The following NBEA variants were observed in gnomAD, a reference collection of about 807,000 sequenced individuals.
NBEA encodes the protein lysosomal-trafficking regulator 2.
In NBEA, 44 loss-of-function variants were observed where a neutral mutation model predicts 343.4. The ratio of observed to expected loss-of-function variants is 0.13; its 90% CI spans 0.10 to 0.16. The LOEUF (loss-of-function observed/expected upper bound fraction) is 0.16, where lower values mean the gene tolerates loss of function less well. Ranked by LOEUF, NBEA falls within the 10% of genes least tolerant of loss-of-function variation. The probability of loss-of-function intolerance (pLI) is 1.00; values close to 1 mark genes in which losing one functional copy is unlikely to be tolerated. For synonymous variants in NBEA, 1,175 were observed against 1,238.7 expected (o/e 0.95, Z 1.08); for missense variants, 2,555 against 3,631.3 (o/e 0.70, Z 7.62).
At chr13:35,638,117 T>A (rs1272437585) in intron 49 of NBEA, among the ~76,000 whole-genome samples, 3 of 151,712 alleles carry the variant, frequency 2.0e-5, no homozygotes, top group Admixed American at 6.6e-5. Flanking sequence ...CTAGAGGGAG[T>A]GGCGAGTTTT....
chr13:35,636,614 C>T (rs538780889), intron 49 of NBEA, among the ~76,000 whole-genome samples: 62 of 152,286 alleles, frequency 4.1e-4, no homozygotes, highest in Admixed American at 1.6e-3. Context: ...CACCACCTCC[C>T]CCTCAACTTG....
At chr13:35,336,283 A>C (rs1233533436) in intron 36 of NBEA, among the ~76,000 whole-genome samples, 1 of 152,114 alleles carries the variant, frequency 6.6e-6, no homozygotes, top group Non-Finnish European at 1.5e-5. Context: ...ACAAATTAAA[A>C]AGTACGACCC....
chr13:35,371,485 T>C (rs925290783), intron 38 of NBEA, among the ~76,000 whole-genome samples: 3 of 152,086 alleles, frequency 2.0e-5, no homozygotes, highest in African/African-American at 7.2e-5. Context: ...GATACCTCTT[T>C]AGTAAATTTC....
intron 41 of NBEA, chr13:35,474,073 C>G (rs1331665872): frequency 6.6e-6 from 1 of 152,038 alleles, no homozygotes; most frequent in Non-Finnish European, 1.5e-5. Flanking sequence ...GAGCTTTTCT[C>G]CAATGTTTTA....
At chr13:35,115,467 C>T (rs1388250403) in intron 13 of NBEA, among the ~76,000 whole-genome samples, 3 of 151,988 alleles carry the variant, frequency 2.0e-5, no homozygotes, top group East Asian at 1.9e-4. Flanking sequence ...GAAATAACTC[C>T]GTCCCAAATT....
At chr13:35,419,505 A>G (rs1421173254) in intron 38 of NBEA, among the ~76,000 whole-genome samples, 1 of 152,090 alleles carries the variant, frequency 6.6e-6, no homozygotes, top group Non-Finnish European at 1.5e-5. Context: ...AAACCATACT[A>G]ATGACAGTGT....
At chr13:35,642,685 G>A (rs1031047340) in intron 49 of NBEA, among the ~76,000 whole-genome samples, 2 of 152,180 alleles carry the variant, frequency 1.3e-5, no homozygotes, top group African/African-American at 4.8e-5. Flanking sequence ...AGTTGTGCAG[G>A]AATGCTGATG....
chr13:35,556,063 T>C (rs1475635850), intron 44 of NBEA, among the ~76,000 whole-genome samples: 1 of 152,050 alleles, frequency 6.6e-6, no homozygotes, highest in African/African-American at 2.4e-5. Context: ...AGCTATTTGA[T>C]ATATTAAAAT....
intron 41 of NBEA, among the ~76,000 whole-genome samples, chr13:35,541,593 G>C (rs182124667): frequency 1.3e-5 from 2 of 152,102 alleles, no homozygotes; most frequent in African/African-American, 4.8e-5. Context: ...ATAATGTCTA[G>C]GATACAAACT....
At chr13:35,480,642 G>C (rs2076086642) in intron 41 of NBEA, among the ~76,000 whole-genome samples, 2 of 151,882 alleles carry the variant, frequency 1.3e-5, no homozygotes, top group Admixed American at 1.3e-4. Context: ...GGCTTTGAAG[G>C]CTCATTGTAG....
At chr13:35,368,558 ATTAT>A (rs981604021) in intron 38 of NBEA, among the ~76,000 whole-genome samples, 12 of 151,658 alleles carry the variant, frequency 7.9e-5, no homozygotes, top group African/African-American at 2.2e-4. Context: ...ACAATCAAAA[ATTAT>A]TTGTTTTTAT....
intron 1 of NBEA, among the ~76,000 whole-genome samples, chr13:35,024,570 C>G (rs1171549883): frequency 6.6e-6 from 1 of 151,964 alleles, no homozygotes; most frequent in African/African-American, 2.4e-5. Context: ...GTCCCAGTTA[C>G]TTGGGAGGCT....
chr13:35,154,241 A>G (rs907420575), intron 18 of NBEA, among the ~76,000 whole-genome samples: 5 of 152,086 alleles, frequency 3.3e-5, no homozygotes, highest in African/African-American at 1.2e-4. Flanking sequence ...GGAAAATGAA[A>G]CTTCTGGATG....
chr13:35,620,765 G>A (rs968891418), intron 48 of NBEA, among the ~76,000 whole-genome samples: 10 of 152,092 alleles, frequency 6.6e-5, no homozygotes, highest in African/African-American at 2.2e-4. Context: ...AGTAAAAGTA[G>A]TAAGAAATTA....
At chr13:35,049,634 C>T (rs1459273664) in intron 5 of NBEA, among the ~76,000 whole-genome samples, 1 of 151,718 alleles carries the variant, frequency 6.6e-6, no homozygotes, top group Non-Finnish European at 1.5e-5. Flanking sequence ...TCAAAGTGGT[C>T]ATTTTGGGAG....
chr13:35,270,219 A>T (rs543952393), intron 34 of NBEA, among the ~76,000 whole-genome samples: 7 of 152,332 alleles, frequency 4.6e-5, no homozygotes, highest in African/African-American at 1.7e-4. Context: ...ACCTCCACAT[A>T]GAGAAATTAT....
intron 49 of NBEA, among the ~76,000 whole-genome samples, chr13:35,629,994 T>C (rs779666261): frequency 3.3e-5 from 5 of 152,160 alleles, no homozygotes; most frequent in Non-Finnish European, 7.4e-5. Flanking sequence ...GTCCTGTTCT[T>C]ATAAAGAAAG....
chr13:35,031,098 C>G (rs530594345), intron 1 of NBEA, among the ~76,000 whole-genome samples: 4 of 151,704 alleles, frequency 2.6e-5, no homozygotes, highest in South Asian at 2.1e-4. Context: ...AAGTGTATAC[C>G]CTTTATTCTA....
chr13:35,134,945 T>A (rs1452216840), intron 17 of NBEA, among the ~76,000 whole-genome samples: 2 of 152,062 alleles, frequency 1.3e-5, no homozygotes, highest in African/African-American at 4.8e-5. Flanking sequence ...TAATGACATA[T>A]AAGAGGTCCA....
Sources: allele counts gnomAD v4.1 joint callset (sites outside exome capture counted in the v4.1 genomes callset), GRCh38; gene constraint gnomAD v4.1.1; transcripts MANE v1.5; gene names NCBI Gene and HGNC (gene_info 2026-07-23, HGNC 2026-07-21).